The following DYRK1B variants were observed in gnomAD, a reference collection of about 807,000 sequenced individuals.
DYRK1B encodes dual specificity tyrosine-phosphorylation-regulated kinase 1B.
In DYRK1B, 20 loss-of-function variants were observed where a neutral mutation model predicts 57.1. The observed-to-expected ratio is 0.35, with a 90% confidence interval of 0.25 to 0.51. The LOEUF (loss-of-function observed/expected upper bound fraction) is 0.51, where lower values mean the gene tolerates loss of function less well. Ranked by LOEUF, DYRK1B falls within the 20% of genes least tolerant of loss-of-function variation. The pLI, the probability that DYRK1B is intolerant of heterozygous loss-of-function variation, is 0.96. For missense variants in DYRK1B, 732 were observed against 886.3 expected, an observed-to-expected ratio of 0.83 and a Z score of 2.21; for synonymous variants, 409 against 384.7, an observed-to-expected ratio of 1.06 and a Z score of -0.74.
rs765689786 is a variant in DYRK1B at position 39,826,826 on chromosome 19, G to A, written c.1257C>T (p.Arg419=). The part of the protein sequence containing the change: ...LRMLEYEPAA[R]ISPLGALQHG... ...GCTGCAGAGCCCCCAGGGGGCTGATGCGGGCGGCGGGCTCATACTCCAGCA... is the reference window on the plus strand; with the variant it reads ...GCTGCAGAGCCCCCAGGGGGCTGATACGGGCGGCGGGCTCATACTCCAGCA... Residue 419 remains arginine (R), a synonymous_variant, in exon 9 of 11, where the codon CGC becomes CGT. Transcript: ENST00000323039. This position sits in a 1 kb window ranked among gnomAD's most constrained non-coding sequence, Gnocchi z 6.3. 2.7e-6 allele frequency: 4 copies of A among 1,494,158 alleles called. No homozygotes were observed. The African/African-American group carries it at 5.6e-5, about 21-fold the overall frequency. 92.6% of individuals were successfully genotyped at this position (1,494,158 alleles called of 1,614,324 possible).
Position 39,825,749 on chromosome 19 carries a change from C to T in DYRK1B, c.1856G>A (p.Arg619His), listed in dbSNP as rs770813396. Residue 619 changes from arginine (R) to histidine (H), a missense_variant, in exon 11 of 11, where the codon CGT (arginine) becomes CAT (histidine). Coordinates refer to ENST00000323039, the MANE Select transcript of DYRK1B (RefSeq NM_004714.3). ...GGCTGCTGTGCTCTGGGGTACACCA[C>T]GGAGGCCCAGGTGAGGCCCCAGAGT... ...PATLGPHLGL[R>H]GVPQSTAASS is the part of the protein sequence containing the mutation. 10 of 1,560,326 alleles carry T rather than the reference C, an allele frequency of 6.4e-6. No individual in the cohort carries two copies. Among genetic ancestry groups the T allele is most frequent in the African/African-American group, 4.1e-5 (3 of 73,390 alleles).
Position 39,826,372 on chromosome 19 carries a change from G to C in DYRK1B, c.1412-86C>G. ...TTTGGGATGGCTGAGGGAAGGTCAC[G>C]GCCCAGGCTCAGGTTCAGGCTTCAA... On this transcript the variant is annotated intron_variant, in intron 9 of 10. Coordinates refer to ENST00000323039, the MANE Select transcript of DYRK1B (RefSeq NM_004714.3). The surrounding 1 kb of genome is among the most constrained non-coding windows in gnomAD (Gnocchi z 6.3). The C allele has an allele frequency of 8.9e-7, 1 of 1,125,066 alleles. No homozygotes were observed. 69.7% of individuals were successfully genotyped at this position (1,125,066 alleles called of 1,614,324 possible). A position where few individuals can be genotyped will look rare whatever the true frequency, so the allele number is the denominator to read the frequency against.
Position 39,828,569 on chromosome 19 carries a change from G to T in DYRK1B, c.535C>A (p.His179Asn), listed in dbSNP as rs781018755. The T allele has an allele frequency of 4.4e-6, 7 of 1,608,662 alleles. No individual in the cohort carries two copies. The highest frequency in any genetic ancestry group is 2.7e-5 in the African/African-American group (2 of 74,828). Residue 179 changes from histidine to asparagine, a missense_variant, in exon 6 of 11, where the codon CAC becomes AAC. Transcript: ENST00000323039. The surrounding 1 kb of genome is among the most constrained non-coding windows in gnomAD (Gnocchi z 4.3). ...MKYYIVHLKR[H>N]FMFRNHLCLV... The stretch of plus-strand genomic sequence containing the variant: ...CACAGGTGGTTCCGGAACATGAAGT[G>T]CCGCTTCAGGTGTACTGCGGGGGAG...
chr19:39,830,682 G>A lies in DYRK1B; in HGVS notation c.165C>T (p.Thr55=), dbSNP rs149054894. ...LRKLSVDLIK[T]YKHINEVYYA... ...TGCCCACCTCATTGATGTGCTTGTA[G>A]GTCTTGATGAGGTCCACAGAGAGCT... The change falls in exon 3 of 11, where the codon ACC becomes ACT. Residue 55 remains threonine, a synonymous_variant. Transcript: ENST00000323039. 227 of 1,614,000 alleles carry A rather than the reference G, an allele frequency of 1.4e-4. 1 individual carries two copies. Among genetic ancestry groups the A allele is most frequent in the Non-Finnish European group, 1.7e-4 (205 of 1,180,028 alleles).
At position 39,826,811 on chromosome 19, in the gene DYRK1B, C is replaced by G. The variant is rs1198523729; in HGVS notation, c.1272G>C (p.Gly424=). 2.6e-6 allele frequency: 4 copies of G among 1,521,814 alleles called. No homozygotes were observed. Among genetic ancestry groups the G allele is most frequent in the African/African-American group, 2.8e-5 (2 of 72,360 alleles). The allele number at this position is 1,521,814 out of a possible 1,614,324, so 94.3% of individuals were successfully genotyped here. ...YEPAARISPL[G]ALQHGFFRRT... ...GGCGGAAGAAGCCGTGCTGCAGAGC[C>G]CCCAGGGGGCTGATGCGGGCGGCGG... Residue 424 remains glycine, a synonymous_variant, in exon 9 of 11, where the codon GGG becomes GGC. Coordinates refer to ENST00000323039, the MANE Select transcript of DYRK1B (RefSeq NM_004714.3). This position sits in a 1 kb window ranked among gnomAD's most constrained non-coding sequence, Gnocchi z 6.3.
At chr19:39,832,891 G>C in intron 1 of DYRK1B, 1 of 983,934 alleles carries the variant, frequency 1.0e-6, no homozygotes, top group Non-Finnish European at 1.2e-6. Context: ...CCACAGTTTA[G>C]AGTGATCATC....
rs1273917805 is a variant in DYRK1B at position 39,826,812 on chromosome 19, C to T, written c.1271G>A (p.Gly424Glu). The T allele has an allele frequency of 6.6e-7, 1 of 1,521,900 alleles. No homozygotes were observed. Among genetic ancestry groups the T allele is most frequent in the African/African-American group, 1.4e-5 (1 of 72,482 alleles). The allele number at this position is 1,521,900 out of a possible 1,614,324, so 94.3% of individuals were successfully genotyped here. Residue 424 changes from glycine to glutamate, a missense_variant, in exon 9 of 11, where the codon GGG (glycine) becomes GAG (glutamate). Physicochemically the swap from Gly to Glu is moderately conservative, Grantham distance 98 (BLOSUM62 -2). Transcript: ENST00000323039. The surrounding 1 kb of genome is among the most constrained non-coding windows in gnomAD (Gnocchi z 6.3). ...YEPAARISPL[G>E]ALQHGFFRRT... is the part of the protein sequence containing the mutation. ...GCGGAAGAAGCCGTGCTGCAGAGCC[C>T]CCAGGGGGCTGATGCGGGCGGCGGG...
At chr19:39,830,210 G>A in intron 4 of DYRK1B, 165 bp downstream of exon 4, 1 of 1,141,638 alleles carries the variant, frequency 8.8e-7, no homozygotes, top group Non-Finnish European at 1.2e-6. Context: ...ACCTTATGTT[G>A]AGTCTTGTTA....
In DYRK1B at chr19:39,828,704, T is replaced by C. The variant is rs368213114; in HGVS notation, c.521-121A>G. 9.7e-4 allele frequency: 975 copies of C among 1,006,018 alleles called. 18 individuals are homozygous for C. In the South Asian group the frequency reaches 0.016, roughly 16 times the overall value. 62.3% of individuals were successfully genotyped at this position (1,006,018 alleles called of 1,614,324 possible). Reference sequence around the variant, plus strand: ...CATTGTGCTGTCCCCACGGGTACCATCTGCTAGTCAAAATCTTTTTATCTA... The same window carrying C: ...CATTGTGCTGTCCCCACGGGTACCACCTGCTAGTCAAAATCTTTTTATCTA... On this transcript the variant is annotated intron_variant, in intron 5 of 10. Transcript: ENST00000323039. This position sits in a 1 kb window ranked among gnomAD's most constrained non-coding sequence, Gnocchi z 4.3.
chr19:39,827,822 C>T (rs549258077), intron 6 of DYRK1B, among the ~76,000 whole-genome samples, 166 bp from the exon 7 acceptor site: 14 of 152,208 alleles, frequency 9.2e-5, no homozygotes, highest in Non-Finnish European at 1.9e-4. Flanking sequence ...GCCACTGGTG[C>T]CATCTTGTTT....
Position 39,826,047 on chromosome 19 carries a change from C to T in DYRK1B, c.1558G>A (p.Asp520Asn). Residue 520 changes from aspartate to asparagine, a missense_variant, in exon 11 of 11, where the codon GAT becomes AAT. By Grantham distance (23) the Asp-to-Asn change is conservative. Transcript: ENST00000323039. This position sits in a 1 kb window ranked among gnomAD's most constrained non-coding sequence, Gnocchi z 6.3. ...SQPLRPWAGG[D>N]VPHKTHQAPA... ...GCTTGATGTGTCTTGTGGGGCACAT[C>T]ACCCCCTGCCCAGGGCCGCAGCGGC... 1 of 1,517,376 alleles carries T rather than the reference C, an allele frequency of 6.6e-7. No homozygotes were observed. Among genetic ancestry groups the T allele is most frequent in the Non-Finnish European group, 8.8e-7 (1 of 1,135,646 alleles). 94.0% of individuals were successfully genotyped at this position (1,517,376 alleles called of 1,614,324 possible).
At chr19:39,830,216 T>C in intron 4 of DYRK1B, 159 bp downstream of exon 4, 1 of 1,162,340 alleles carries the variant, frequency 8.6e-7, no homozygotes, top group Non-Finnish European at 1.2e-6. Context: ...TGTTGAGTCT[T>C]GTTATTTAAA....
chr19:39,827,014 G>GGGGGGGGGGGGGCC, intron 8 of DYRK1B, 27 bp from the exon 9 acceptor site: 4 of 419,552 alleles, frequency 9.5e-6, no homozygotes, highest in Non-Finnish European at 1.7e-5. Flanking sequence ...GGGAGGGGGG[G>GGGGGGGGGGGGGCC]CAAGAGAGTG....
rs1196147324 is a variant in DYRK1B, at chr19:39,825,989, C to G, written c.1616G>C (p.Gly539Ala). The G allele has an allele frequency of 1.3e-6, 2 of 1,523,884 alleles. No homozygotes were observed. The highest frequency in any genetic ancestry group is 2.8e-5 in the African/African-American group (2 of 71,754). The allele number at this position is 1,523,884 out of a possible 1,614,324, so 94.4% of individuals were successfully genotyped here. The part of the protein sequence containing the change: ...PASASSLPGT[G>A]AQLPPQPRYL... ...TCGGGGCTGGGGGGGTAACTGGGCC[C>G]CGGTCCCAGGCAGTGACGAGGCAGA... The change falls in exon 11 of 11, where the codon GGG becomes GCG. Residue 539 changes from glycine (G) to alanine (A), a missense_variant. Physicochemically the swap from Gly to Ala is moderately conservative, Grantham distance 60. This residue lies in a region of DYRK1B where 222 missense variants were observed against 205.0 expected (regional missense o/e 1.08). Transcript: ENST00000323039.
At position 39,831,846 on chromosome 19, in the gene DYRK1B, C is replaced by T; in HGVS notation, c.22G>A (p.Gly8Ser). Reference protein sequence around the residue: MAVPPGHGPFSGFPGPQE... With the variant: MAVPPGHSPFSGFPGPQE... ...GGCCCTGGGAAGCCAGAGAAGGGACCATGGCCCGGTGGGACGGCCATGGTG... is the reference window on the plus strand; with the variant it reads ...GGCCCTGGGAAGCCAGAGAAGGGACTATGGCCCGGTGGGACGGCCATGGTG... Residue 8 changes from glycine (G) to serine (S), a missense_variant, in exon 2 of 11, where the codon GGT (glycine) becomes AGT (serine). By Grantham distance (56) the Gly-to-Ser change is moderately conservative. This residue lies in a region of DYRK1B where 510 missense variants were observed against 681.3 expected (regional missense o/e 0.75). Coordinates refer to ENST00000323039, the MANE Select transcript of DYRK1B (RefSeq NM_004714.3). 6.5e-7 allele frequency: 1 copy of T among 1,533,002 alleles called. No individual in the cohort carries two copies. The highest frequency in any genetic ancestry group is 8.8e-7 in the Non-Finnish European group (1 of 1,137,554). 95.0% of individuals were successfully genotyped at this position (1,533,002 alleles called of 1,614,324 possible). A position where few individuals can be genotyped will look rare whatever the true frequency, so the allele number is the denominator to read the frequency against.
At position 39,825,863 on chromosome 19, in the gene DYRK1B, G is replaced by A. The variant is rs765568899; in HGVS notation, c.1742C>T (p.Ala581Val). 15 of 1,602,706 alleles carry A rather than the reference G, an allele frequency of 9.4e-6. No homozygotes were observed. The highest frequency in any genetic ancestry group is 5.4e-5 in the African/African-American group (4 of 74,746). ...GPADCSPPHP[A>V]PAPQHPAASA... ...GGCAGCCGGGTGCTGGGGGGCAGGCGCTGGGTGAGGTGGGGAGCAGTCAGC... is the reference window on the plus strand; with the variant it reads ...GGCAGCCGGGTGCTGGGGGGCAGGCACTGGGTGAGGTGGGGAGCAGTCAGC... Residue 581 changes from alanine to valine, a missense_variant, in exon 11 of 11, where the codon GCG becomes GTG. Physicochemically the swap from Ala to Val is moderately conservative, Grantham distance 64 (BLOSUM62 0). Transcript: ENST00000323039.
intron 1 of DYRK1B, chr19:39,833,210 C>T: frequency 1.0e-6 from 1 of 985,710 alleles, no homozygotes; most frequent in Non-Finnish European, 1.2e-6. Flanking sequence ...CAAAAAACCA[C>T]CTCTTCTCCG....
At position 39,827,511 on chromosome 19, in the gene DYRK1B, T is replaced by C; in HGVS notation, c.953A>G (p.Glu318Gly). The change falls in exon 7 of 11, where the codon GAG becomes GGG. Residue 318 changes from glutamate to glycine, a missense_variant and splice_region_variant. Physicochemically the swap from Glu to Gly is moderately conservative, Grantham distance 98. Around this residue, in one of 2 missense-constraint regions of DYRK1B, gnomAD observed 510 missense variants for 681.3 expected, o/e 0.75. Coordinates refer to ENST00000323039, the MANE Select transcript of DYRK1B (RefSeq NM_004714.3). ...GCACACCCCTTCCTGGGGGCACACC[T>C]CATTGGAGCCACTGAAGAGGGGCTC... ...TGEPLFSGSN[E>G]VDQMNRIVEV... The C allele has an allele frequency of 6.2e-7, 1 of 1,613,624 alleles. No homozygotes were observed. The highest frequency in any genetic ancestry group is 1.7e-5 in the Admixed American group (1 of 59,990).
intron 1 of DYRK1B, 36 bp from the exon 2 acceptor site, chr19:39,832,004 A>G: frequency 7.1e-7 from 1 of 1,411,314 alleles, no homozygotes; most frequent in Non-Finnish European, 9.2e-7. Context: ...ACAACATGGA[A>G]CAAGGGGATA....
Sources: gnomAD v4.1 joint callset for allele counts (sites outside exome capture counted in the v4.1 genomes callset) on GRCh38, gnomAD v4.1.1 for gene constraint, gnomAD v4.1.1 regional missense constraint, Gnocchi (gnomAD v3.1) non-coding constraint, MANE v1.5 for transcripts, NCBI Gene and HGNC (gene_info 2026-07-23, HGNC 2026-07-21) for gene names.